The following TMEM130 variants were observed in gnomAD, a reference collection of about 807,000 sequenced individuals.
TMEM130 encodes transmembrane protein 130.
In TMEM130, 37 loss-of-function variants were observed where a neutral mutation model predicts 42.9. The observed-to-expected ratio is 0.86, with a 90% CI of 0.66 to 1.13. The LOEUF is 1.13. TMEM130 is among the 50% of genes most tolerant of loss of function. The probability of loss-of-function intolerance (pLI) is 0.00; values close to 1 mark genes in which losing one functional copy is unlikely to be tolerated. For synonymous variants in TMEM130, 259 were observed against 237.7 expected (o/e 1.09, Z -0.82); for missense variants, 545 against 562.6 (o/e 0.97, Z 0.32).
intron 5 of TMEM130, among the ~76,000 whole-genome samples, chr7:98,854,259 C>G (rs554049803): frequency 1.3e-5 from 2 of 152,090 alleles, no homozygotes; most frequent in Non-Finnish European, 2.9e-5. Context: ...TAAGAAACAT[C>G]TGGACATGTG....
intron 1 of TMEM130, among the ~76,000 whole-genome samples, chr7:98,867,726 C>T (rs1423447980): frequency 3.3e-5 from 5 of 152,172 alleles, no homozygotes; most frequent in South Asian, 2.1e-4. Flanking sequence ...AGCCCGCCGA[C>T]TCCCCCACCA....
Position 98,869,529 on chromosome 7 carries a change from T to TG in TMEM130, c.85+247dup, listed in dbSNP as rs572281378. 5.0e-4 allele frequency among the ~76,000 whole-genome samples: 76 copies of TG among 152,074 alleles called. No individual in the cohort carries two copies. Among genetic ancestry groups the TG allele is most frequent in the South Asian group, 4.0e-3 (19 of 4,806 alleles). On this transcript the variant is annotated intron_variant, in intron 1 of 7. Coordinates refer to ENST00000339375, the MANE Select transcript of TMEM130 (RefSeq NM_152913.3). The surrounding 1 kb of genome is among the most constrained non-coding windows in gnomAD (Gnocchi z 4.7). ...CGCGGTTTCCAGGGCAGGGCCAGCCTGGGGGGGTGGAAGCAGGAATCCAGG... is the reference window on the plus strand; with the variant it reads ...CGCGGTTTCCAGGGCAGGGCCAGCCTGGGGGGGGTGGAAGCAGGAATCCAGG...
chr7:98,854,388 CA>C (rs1445900212), intron 5 of TMEM130, among the ~76,000 whole-genome samples: 1 of 76,136 alleles, frequency 1.3e-5, no homozygotes, highest in African/African-American at 2.7e-5. Flanking sequence ...CCTTTGTCTC[CA>C]TGCCCATGGT....
Position 98,847,887 on chromosome 7 carries a change from C to A in TMEM130, c.*169G>T. 1 of 630,922 alleles carries A rather than the reference C, an allele frequency of 1.6e-6. No homozygotes were observed. Among genetic ancestry groups the A allele is most frequent in the Non-Finnish European group, 2.8e-6 (1 of 363,228 alleles). The allele number at this position is 630,922 out of a possible 1,614,324, so 39.1% of individuals were successfully genotyped here. A position where few individuals can be genotyped will look rare whatever the true frequency, so the allele number is the denominator to read the frequency against. ...GGTGAATGGCTGGGGTCAGGGGTGA[C>A]AGAGAGGGAGGGGCTTGTGGCAGTG... On this transcript the variant is annotated 3_prime_UTR_variant, in exon 8 of 8. Transcript: ENST00000339375.
At chr7:98,867,297 C>T (rs1354827051) in intron 1 of TMEM130, among the ~76,000 whole-genome samples, 1 of 152,226 alleles carries the variant, frequency 6.6e-6, no homozygotes, top group East Asian at 1.9e-4. Context: ...GCATGGGTCA[C>T]TGCTGCTGCC....
At position 98,855,964 on chromosome 7, in the gene TMEM130, C is replaced by T. The variant is rs554802888; in HGVS notation, c.718+53G>A. On this transcript the variant is annotated intron_variant, in intron 4 of 7. Transcript: ENST00000339375. Reference sequence around the variant, plus strand: ...CCAGAGCCACTGTGATCTGTGCGTACGGTGACCCCACTCTGGAACGCCCAG... The same window carrying T: ...CCAGAGCCACTGTGATCTGTGCGTATGGTGACCCCACTCTGGAACGCCCAG... 47 of 1,587,698 alleles carry T rather than the reference C, an allele frequency of 3.0e-5. No homozygotes were observed. The East Asian group carries it at 4.2e-4, about 14-fold the overall frequency.
At chr7:98,862,747 G>C (rs1318564007) in intron 2 of TMEM130, among the ~76,000 whole-genome samples, 4 of 152,146 alleles carry the variant, frequency 2.6e-5, no homozygotes, top group Non-Finnish European at 5.9e-5. Context: ...CGATCCACCT[G>C]CCTCGGCCTC....
At chr7:98,868,689 C>T (rs1427637463) in intron 1 of TMEM130, among the ~76,000 whole-genome samples, 3 of 152,176 alleles carry the variant, frequency 2.0e-5, no homozygotes, top group Non-Finnish European at 4.4e-5. Context: ...GTGATTTTGA[C>T]CACATCAAGG....
chr7:98,861,996 C>G (rs984472887), intron 2 of TMEM130, among the ~76,000 whole-genome samples: 5 of 152,144 alleles, frequency 3.3e-5, no homozygotes, highest in Admixed American at 2.0e-4. Flanking sequence ...CTTACAAACT[C>G]ATTGTAAGGG....
rs1373834941 is a variant in TMEM130 at position 98,859,808 on chromosome 7, T to C, written c.551+371A>G. Among the ~76,000 whole-genome samples, 7 of 151,784 alleles carry C rather than the reference T, an allele frequency of 4.6e-5. No homozygotes were observed. The South Asian group carries it at 1.2e-3, about 27-fold the overall frequency. ...GCTCACACCTGTAATCCTAGCACTT[T>C]GGGAGGCCAAGACAGGCACATCACT... On this transcript the variant is annotated intron_variant, in intron 3 of 7. Transcript: ENST00000339375.
chr7:98,857,555 C>T (rs1029341150), intron 3 of TMEM130, among the ~76,000 whole-genome samples: 6 of 151,824 alleles, frequency 4.0e-5, no homozygotes, highest in African/African-American at 7.3e-5. Context: ...CAAAAATTAG[C>T]CAGTCGTAAT....
intron 2 of TMEM130, among the ~76,000 whole-genome samples, chr7:98,861,225 C>G (rs931773805): frequency 6.6e-6 from 1 of 151,882 alleles, no homozygotes; most frequent in Non-Finnish European, 1.5e-5. Context: ...GTAGTCCCAG[C>G]TACTTGGGAG....
intron 4 of TMEM130, among the ~76,000 whole-genome samples, chr7:98,855,626 T>C (rs565234553): frequency 6.6e-6 from 1 of 152,290 alleles, no homozygotes; most frequent in Admixed American, 6.5e-5. Context: ...CCAAGACATC[T>C]TCTGCAGCTG....
At chr7:98,850,760 G>A (rs956774623) in intron 6 of TMEM130, among the ~76,000 whole-genome samples, 1 of 152,136 alleles carries the variant, frequency 6.6e-6, no homozygotes, top group Non-Finnish European at 1.5e-5. Flanking sequence ...CTACAACACT[G>A]TGAGTTGAGT....
Position 98,869,876 on chromosome 7 carries a change from C to A in TMEM130, c.-15G>T. The A allele has an allele frequency of 1.5e-6, 2 of 1,344,318 alleles. No homozygotes were observed. Among genetic ancestry groups the A allele is most frequent in the Admixed American group, 3.5e-5 (1 of 28,770 alleles). 83.3% of individuals were successfully genotyped at this position (1,344,318 alleles called of 1,614,324 possible). A position where few individuals can be genotyped will look rare whatever the true frequency, so the allele number is the denominator to read the frequency against. ...GCCTGGGCCATTGCGGGGCCCGGAG[C>A]GGGAGAAGCGTGGGGCGGACGCGGA... On this transcript the variant is annotated 5_prime_UTR_variant, in exon 1 of 8. Coordinates refer to ENST00000339375, the MANE Select transcript of TMEM130 (RefSeq NM_152913.3). The surrounding 1 kb of genome is among the most constrained non-coding windows in gnomAD (Gnocchi z 4.7).
At chr7:98,854,928 C>T (rs1459692908) in intron 5 of TMEM130, among the ~76,000 whole-genome samples, 1 of 152,096 alleles carries the variant, frequency 6.6e-6, no homozygotes, top group African/African-American at 2.4e-5. Flanking sequence ...CCCAGCTAGT[C>T]GGGAGGCTGA....
intron 1 of TMEM130, among the ~76,000 whole-genome samples, chr7:98,868,531 A>G (rs972084781): frequency 3.3e-5 from 5 of 152,216 alleles, no homozygotes; most frequent in Non-Finnish European, 5.9e-5. Context: ...TAAAGTCTGG[A>G]TAACACAACC....
intron 6 of TMEM130, among the ~76,000 whole-genome samples, chr7:98,849,335 G>A (rs1248387392): frequency 6.6e-6 from 1 of 152,312 alleles, no homozygotes; most frequent in East Asian, 1.9e-4. Context: ...GAAGAGGGGT[G>A]TTGATGTGTG....
chr7:98,858,344 C>G (rs1387712527), intron 3 of TMEM130, among the ~76,000 whole-genome samples: 2 of 144,916 alleles, frequency 1.4e-5, no homozygotes, highest in Admixed American at 7.1e-5. Flanking sequence ...AGCTCAAGAC[C>G]AGCCTGGCCA....
Sources: gnomAD v4.1 joint callset for allele counts (sites outside exome capture counted in the v4.1 genomes callset) on GRCh38, gnomAD v4.1.1 for gene constraint, Gnocchi (gnomAD v3.1) non-coding constraint, MANE v1.5 for transcripts, NCBI Gene and HGNC (gene_info 2026-07-23, HGNC 2026-07-21) for gene names.